FAM20C: variants seen among roughly 807,000 people sequenced by gnomAD.
FAM20C encodes extracellular serine/threonine protein kinase FAM20C.
FAM20C carries 40 observed loss-of-function variants against 51.5 expected under a neutral mutation model. The observed-to-expected ratio is 0.78, with a 90% CI of 0.60 to 1.01. FAM20C has a LOEUF of 1.01. Among genes scored for constraint, FAM20C ranks in the 50% least tolerant of loss-of-function variants. FAM20C has a pLI of 0.00. For missense variants in FAM20C, 861 were observed against 844.7 expected, an observed-to-expected ratio of 1.02 and a Z score of -0.24; for synonymous variants, 406 against 380.6, an observed-to-expected ratio of 1.07 and a Z score of -0.78.
intron 2 of FAM20C, among the ~76,000 whole-genome samples, chr7:207,748 A>G (rs969891496): frequency 3.3e-5 from 5 of 152,188 alleles, no homozygotes; most frequent in Admixed American, 3.3e-4. Flanking sequence ...ACCGGTCCAC[A>G]GCGCGTGACA....
At chr7:254,227 G>T (rs777236508) in intron 5 of FAM20C, among the ~76,000 whole-genome samples, 6 of 152,166 alleles carry the variant, frequency 3.9e-5, no homozygotes, top group African/African-American at 1.4e-4. Context: ...AGCCGGGACC[G>T]GCCACCCTCC....
At chr7:219,209 T>C (rs1016953952) in intron 3 of FAM20C, among the ~76,000 whole-genome samples, 2 of 152,120 alleles carry the variant, frequency 1.3e-5, no homozygotes, top group African/African-American at 4.8e-5. Context: ...CATGTGACTT[T>C]GTTGTCCAGG....
chr7:245,720 C>A (rs567199031), intron 3 of FAM20C, among the ~76,000 whole-genome samples: 1 of 152,226 alleles, frequency 6.6e-6, no homozygotes, highest in East Asian at 1.9e-4. Context: ...CAGGGCCCTG[C>A]GGCTAGGCTC....
At chr7:195,341 A>G (rs1410527539) in intron 1 of FAM20C, 1 of 447,492 alleles carries the variant, frequency 2.2e-6, no homozygotes, top group Non-Finnish European at 3.9e-6. Context: ...AGTAAGAATT[A>G]CAGGCCTTTC....
chr7:258,324 G>A lies in FAM20C; in HGVS notation c.1446-322G>A, dbSNP rs571267158. On this transcript the variant is annotated intron_variant, in intron 8 of 9. Transcript: ENST00000313766. ...GATGGGTGGGATGGACCCACTGCCC[G>A]GGGTGCTGGAGATGGGCAGGGTGGA... Among the ~76,000 whole-genome samples, 52 of 100,506 alleles carry A rather than the reference G, an allele frequency of 5.2e-4. 1 individual carries two copies. Among genetic ancestry groups the A allele is most frequent in the Non-Finnish European group, 1.0e-3 (46 of 45,232 alleles). 65.9% of individuals were successfully genotyped at this position (100,506 alleles called of 152,430 possible). A position where few individuals can be genotyped will look rare whatever the true frequency, so the allele number is the denominator to read the frequency against.
chr7:227,786 G>C (rs966548138), intron 3 of FAM20C: 1 of 152,280 alleles, frequency 6.6e-6, no homozygotes, highest in Non-Finnish European at 1.5e-5. Flanking sequence ...TTCCCCGTTT[G>C]CTTTTGAAAT....
chr7:228,930 C>T (rs146298076), intron 3 of FAM20C: 30 of 404,914 alleles, frequency 7.4e-5, no homozygotes, highest in Admixed American at 1.8e-4. Context: ...CTTCCAAGAC[C>T]GCCCACCAGG....
intron 2 of FAM20C, among the ~76,000 whole-genome samples, chr7:208,436 G>A (rs987639405): frequency 4.8e-5 from 7 of 147,122 alleles, no homozygotes; most frequent in African/African-American, 1.7e-4. Context: ...ATACGTGTGT[G>A]TCCAGGTAAG....
chr7:256,961 C>T, intron 7 of FAM20C, 44 bp from the exon 8 acceptor site: 8 of 1,532,262 alleles, frequency 5.2e-6, no homozygotes, highest in Non-Finnish European at 7.0e-6. Flanking sequence ...AGCTACGTGG[C>T]CCGGCTCCCC....
chr7:199,463 G>C (rs116679737), intron 2 of FAM20C, among the ~76,000 whole-genome samples: 143 of 152,380 alleles, frequency 9.4e-4, no homozygotes, highest in African/African-American at 3.3e-3. Context: ...TCTGAGTTCT[G>C]TCCCCTCAGC....
chr7:258,445 T>TGCCCG lies in FAM20C; in HGVS notation c.1446-200_1446-199insCCCGG, dbSNP rs1788730718. ...GACCCACTGCCTGGGGTGCTGGAGA[T>TGCCCG]GGGTGGGATGGACCCACTGCCTGGG... On this transcript the variant is annotated intron_variant, in intron 8 of 9. Transcript: ENST00000313766. Among the ~76,000 whole-genome samples, 6 of 89,770 alleles carry TGCCCG rather than the reference T, an allele frequency of 6.7e-5. 1 individual carries two copies. Among genetic ancestry groups the TGCCCG allele is most frequent in the African/African-American group, 3.0e-4 (6 of 20,302 alleles). The allele number at this position is 89,770 out of a possible 152,430, so 58.9% of individuals were successfully genotyped here. A position where few individuals can be genotyped will look rare whatever the true frequency, so the allele number is the denominator to read the frequency against.
chr7:235,363 TG>T (rs1787816558), intron 3 of FAM20C, among the ~76,000 whole-genome samples: 2 of 152,220 alleles, frequency 1.3e-5, no homozygotes, highest in South Asian at 4.2e-4. Flanking sequence ...TGCAGCCCAG[TG>T]GAGCCCGTGA....
chr7:256,361 T>A, intron 6 of FAM20C: 1 of 567,702 alleles, frequency 1.8e-6, no homozygotes, highest in East Asian at 2.9e-5. Flanking sequence ...CGCCCCACGT[T>A]GTCCTCGTGA....
chr7:240,744 C>A (rs912995155), intron 3 of FAM20C, among the ~76,000 whole-genome samples: 8,242 of 152,280 alleles, frequency 0.054, 276 homozygotes, highest in Non-Finnish European at 0.082. Context: ...GCCCTCTCCC[C>A]TTGAGTCCAG....
At chr7:249,391 C>T (rs868453117) in intron 5 of FAM20C, among the ~76,000 whole-genome samples, 4 of 152,268 alleles carry the variant, frequency 2.6e-5, no homozygotes, top group African/African-American at 9.6e-5. Context: ...GTGATAAGTA[C>T]AGCGCACACA....
intron 5 of FAM20C, among the ~76,000 whole-genome samples, chr7:251,195 GCGGC>G (rs1258540958): frequency 3.3e-5 from 5 of 150,178 alleles, no homozygotes; most frequent in African/African-American, 1.2e-4. Flanking sequence ...GCCGGGCACG[GCGGC>G]TCACGGCTGC....
At chr7:240,809 A>G (rs1019538046) in intron 3 of FAM20C, among the ~76,000 whole-genome samples, 1 of 152,156 alleles carries the variant, frequency 6.6e-6, no homozygotes, top group Non-Finnish European at 1.5e-5. Context: ...GAAGAGCCAC[A>G]TTCTGCCTCA....
Position 255,943 on chromosome 7 carries a change from G to A in FAM20C, c.1167G>A (p.Ala389=), listed in dbSNP as rs1031649653. The A allele has an allele frequency of 4.6e-6, 7 of 1,536,142 alleles. No homozygotes were observed. Among genetic ancestry groups the A allele is most frequent in the South Asian group, 3.6e-5 (3 of 84,072 alleles). Residue 389 remains alanine, a synonymous_variant, in exon 6 of 10, where the codon GCG becomes GCA. Transcript: ENST00000313766. ...CAGACCAGATCGAGGGCTCGCTGGC[G>A]GCCTTCCTGCCCGACCTGTCCCTGG... ...GKPDQIEGSL[A]AFLPDLSLAK... is the part of the protein sequence containing the mutation.
chr7:256,496 C>T (rs1486773795), intron 6 of FAM20C, 158 bp from the exon 7 acceptor site: 12 of 651,456 alleles, frequency 1.8e-5, no homozygotes, highest in Admixed American at 1.5e-4. Context: ...CTCCCACACC[C>T]GTGCTCCCGC....
Sources: gnomAD v4.1 joint callset for allele counts (sites outside exome capture counted in the v4.1 genomes callset) on GRCh38, gnomAD v4.1.1 for gene constraint, MANE v1.5 for transcripts, NCBI Gene and HGNC (gene_info 2026-07-23, HGNC 2026-07-21) for gene names.